RERE: variants seen among roughly 807,000 people sequenced by gnomAD.
The protein encoded by RERE is arginine-glutamic acid dipeptide repeats, also known as arginine-glutamic acid dipeptide repeats protein.
Under a neutral mutation model 146.1 loss-of-function variants are expected in RERE, and 40 were observed. The observed-to-expected ratio is 0.27, with a 90% confidence interval of 0.21 to 0.36. The LOEUF is 0.36. Ranked by LOEUF, RERE falls within the 10% of genes least tolerant of loss-of-function variation. The pLI is 1.00. For synonymous variants in RERE, 1,003 were observed against 866.0 expected (o/e 1.16, Z -2.78); for missense variants, 1,933 against 2,138.7 (o/e 0.90, Z 1.90).
intron 1 of RERE, among the ~76,000 whole-genome samples, chr1:8,732,915 G>C (rs539061612): frequency 6.7e-6 from 1 of 148,346 alleles, no homozygotes; most frequent in South Asian, 2.1e-4. Flanking sequence ...TCCGCCTCCC[G>C]GGTTCACGCC....
rs1023764261 is a variant in RERE, at chr1:8,366,979, T to G, written c.1285-1005A>C. Among the ~76,000 whole-genome samples, 17 of 139,124 alleles carry G rather than the reference T, an allele frequency of 1.2e-4. No homozygotes were observed. The South Asian group carries it at 3.7e-3, about 30-fold the overall frequency. 91.3% of individuals were successfully genotyped at this position (139,124 alleles called of 152,430 possible). On this transcript the variant is annotated intron_variant, in intron 12 of 22. Transcript: ENST00000400908. ...ACACAGCCAAGTGAGAGAGCACAGA[T>G]CACTTGGTTTCCCTCTAATTAAATC...
At chr1:8,395,570 T>C (rs181071846) in intron 12 of RERE, among the ~76,000 whole-genome samples, 46 of 151,702 alleles carry the variant, frequency 3.0e-4, no homozygotes, top group African/African-American at 1.0e-3. Context: ...CCTGGAGACA[T>C]TTGAAGCTGG....
intron 1 of RERE, among the ~76,000 whole-genome samples, chr1:8,666,490 G>C (rs560222935): frequency 6.6e-6 from 1 of 152,236 alleles, no homozygotes; most frequent in African/African-American, 2.4e-5. Flanking sequence ...GCACCCTACA[G>C]CTGGGCGACT....
At chr1:8,632,226 T>C (rs1647043928) in intron 2 of RERE, among the ~76,000 whole-genome samples, 1 of 152,186 alleles carries the variant, frequency 6.6e-6, no homozygotes, top group East Asian at 1.9e-4. Flanking sequence ...CAGTGACAGG[T>C]AGGCTGGGTG....
At chr1:8,432,270 T>C (rs1366496365) in intron 11 of RERE, among the ~76,000 whole-genome samples, 2 of 152,110 alleles carry the variant, frequency 1.3e-5, no homozygotes, top group Non-Finnish European at 2.9e-5. Flanking sequence ...TTCCTTTCCC[T>C]GGGTTTTTAC....
chr1:8,380,984 A>G, intron 12 of RERE: 1 of 456,630 alleles, frequency 2.2e-6, no homozygotes, highest in Non-Finnish European at 4.4e-6. Context: ...GGTTTTTCCC[A>G]CATGTCCTGC....
At chr1:8,554,614 G>A (rs2124419917) in intron 6 of RERE, among the ~76,000 whole-genome samples, 1 of 149,814 alleles carries the variant, frequency 6.7e-6, no homozygotes, top group South Asian at 2.1e-4. Context: ...AGGAGTTTGA[G>A]GCTGCAGTGA....
At chr1:8,610,803 G>A (rs940606596) in intron 4 of RERE, among the ~76,000 whole-genome samples, 7 of 151,088 alleles carry the variant, frequency 4.6e-5, no homozygotes, top group African/African-American at 1.7e-4. Context: ...CTAAGAGTTA[G>A]AAAGGTTAAT....
chr1:8,654,417 A>G (rs1341387401), intron 2 of RERE, among the ~76,000 whole-genome samples: 1 of 152,186 alleles, frequency 6.6e-6, no homozygotes, highest in Non-Finnish European at 1.5e-5. Flanking sequence ...CATAACAGTA[A>G]CAGCATTCCT....
chr1:8,767,481 T>C (rs922457280), intron 1 of RERE, among the ~76,000 whole-genome samples: 2 of 151,852 alleles, frequency 1.3e-5, no homozygotes, highest in Non-Finnish European at 2.9e-5. Flanking sequence ...TGCACATCTG[T>C]ATTAATCCCA....
At chr1:8,413,274 GAGTA>G (rs1391582115) in intron 12 of RERE, among the ~76,000 whole-genome samples, 3 of 152,112 alleles carry the variant, frequency 2.0e-5, no homozygotes, top group South Asian at 4.1e-4. Context: ...CATGTGTGCA[GAGTA>G]AAAATGCATG....
chr1:8,361,174 G>C lies in RERE; in HGVS notation c.2333C>G (p.Ser778Cys). The change falls in exon 18 of 23, where the codon TCC (serine) becomes TGC (cysteine). Residue 778 changes from serine (S) to cysteine (C), a missense_variant. Transcript: ENST00000400908. ...GTTAGGGGCCTGGGAGGCCGTGGGG[G>C]AGCCCTGTGGGGGAACTGCAGTGGC... ...PSATAVPPQGSPTASQAPNQP... is the reference protein window; with the variant it reads ...PSATAVPPQGCPTASQAPNQP... The C allele has an allele frequency of 6.8e-7, 1 of 1,460,442 alleles. No individual in the cohort carries two copies. The highest frequency in any genetic ancestry group is 1.4e-5 in the South Asian group (1 of 70,484). 90.5% of individuals were successfully genotyped at this position (1,460,442 alleles called of 1,614,324 possible). A position where few individuals can be genotyped will look rare whatever the true frequency, so the allele number is the denominator to read the frequency against.
intron 1 of RERE, among the ~76,000 whole-genome samples, chr1:8,812,092 G>A (rs76692862): frequency 5.3e-5 from 8 of 152,216 alleles, no homozygotes; most frequent in East Asian, 1.9e-4. Flanking sequence ...GAGATGACTC[G>A]GAAGACTTTC....
At chr1:8,601,602 CA>C (rs1465489846) in intron 4 of RERE, among the ~76,000 whole-genome samples, 1 of 147,516 alleles carries the variant, frequency 6.8e-6, no homozygotes, top group East Asian at 2.0e-4. Context: ...ACCTTAATCC[CA>C]ACTGCCTTCA....
At chr1:8,600,037 T>C (rs1025210609) in intron 4 of RERE, among the ~76,000 whole-genome samples, 1 of 152,224 alleles carries the variant, frequency 6.6e-6, no homozygotes, top group African/African-American at 2.4e-5. Context: ...GATAAATGGA[T>C]CACGGCGGCG....
intron 2 of RERE, among the ~76,000 whole-genome samples, chr1:8,647,768 T>C (rs1448675223): frequency 1.3e-5 from 2 of 151,986 alleles, no homozygotes; most frequent in South Asian, 2.1e-4. Flanking sequence ...ACAGAAGCTT[T>C]CGATGATTCA....
At chr1:8,713,845 T>C (rs143362766) in intron 1 of RERE, among the ~76,000 whole-genome samples, 261 of 152,334 alleles carry the variant, frequency 1.7e-3, no homozygotes, top group African/African-American at 6.1e-3. Flanking sequence ...AAAATTACAA[T>C]TTTCTGATTC....
chr1:8,489,653 A>AT (rs1468022412), intron 10 of RERE, among the ~76,000 whole-genome samples: 1 of 152,210 alleles, frequency 6.6e-6, no homozygotes, highest in Non-Finnish European at 1.5e-5. Flanking sequence ...ATTAAAATGG[A>AT]TAAAATTTAA....
chr1:8,484,913 G>T (rs911100239), intron 10 of RERE, among the ~76,000 whole-genome samples: 1 of 152,146 alleles, frequency 6.6e-6, no homozygotes, highest in Non-Finnish European at 1.5e-5. Context: ...TGTATGAAAA[G>T]ATAAGAAATG....
Sources: allele counts gnomAD v4.1 joint callset (sites outside exome capture counted in the v4.1 genomes callset), GRCh38; gene constraint gnomAD v4.1.1; transcripts MANE v1.5; gene names NCBI Gene and HGNC (gene_info 2026-07-23, HGNC 2026-07-21).